The following KCNH7 variants were observed in gnomAD, a reference collection of about 807,000 sequenced individuals.
KCNH7 encodes potassium voltage-gated channel subfamily H member 7, also known as voltage-gated inwardly rectifying potassium channel KCNH7.
A neutral mutation model predicts 120.8 loss-of-function variants in KCNH7; 49 were observed. The observed-to-expected ratio is 0.41, with a 90% CI of 0.32 to 0.51. The LOEUF (loss-of-function observed/expected upper bound fraction) is 0.51. Ranked by LOEUF, KCNH7 falls within the 20% of genes least tolerant of loss-of-function variation. KCNH7 has a pLI of 0.38. For synonymous variants in KCNH7, 547 were observed against 516.1 expected (o/e 1.06, Z -0.81); for missense variants, 1,097 against 1,446.6 (o/e 0.76, Z 3.92).
At chr2:162,513,467 CTCCT>C (rs66776235) in intron 4 of KCNH7, among the ~76,000 whole-genome samples, 14,037 of 104,546 alleles carry the variant, frequency 0.13, 1,423 homozygotes, top group African/African-American at 0.16. Context: ...CCTTCCCTCC[CTCCT>C]TCCTTCCTTC....
chr2:162,744,865 G>A (rs1472796399), intron 2 of KCNH7, among the ~76,000 whole-genome samples: 1 of 152,084 alleles, frequency 6.6e-6, no homozygotes, highest in Non-Finnish European at 1.5e-5. Context: ...GAGCCACCGC[G>A]CCCGGCCGAC....
chr2:162,605,986 T>C (rs952709032), intron 2 of KCNH7, among the ~76,000 whole-genome samples: 1 of 152,134 alleles, frequency 6.6e-6, no homozygotes, highest in East Asian at 1.9e-4. Context: ...ACTTTTTGTA[T>C]TTTTATGTTA....
intron 6 of KCNH7, among the ~76,000 whole-genome samples, chr2:162,504,046 A>G (rs977300276): frequency 1.3e-5 from 2 of 152,026 alleles, no homozygotes; most frequent in Non-Finnish European, 2.9e-5. Context: ...TAAGTCCAAA[A>G]GGATACCACA....
At chr2:162,490,998 T>A (rs1690283480) in intron 6 of KCNH7, among the ~76,000 whole-genome samples, 1 of 152,180 alleles carries the variant, frequency 6.6e-6, no homozygotes, top group South Asian at 2.1e-4. Context: ...TACATGGCTG[T>A]GTCTGCCACA....
intron 9 of KCNH7, among the ~76,000 whole-genome samples, chr2:162,408,404 C>T (rs1687293448): frequency 1.3e-5 from 2 of 151,912 alleles, no homozygotes; most frequent in South Asian, 4.1e-4. Context: ...AAGTTATCTT[C>T]CTCTACCTAA....
chr2:162,743,360 G>A (rs922605577), intron 2 of KCNH7, among the ~76,000 whole-genome samples: 1 of 151,952 alleles, frequency 6.6e-6, no homozygotes, highest in Non-Finnish European at 1.5e-5. Context: ...GTAAAAAAAG[G>A]GAGGAAAGAA....
intron 6 of KCNH7, chr2:162,497,010 G>A (rs1041626422): frequency 3.3e-5 from 5 of 152,102 alleles, no homozygotes; most frequent in Non-Finnish European, 7.4e-5. Context: ...GTCCTGGTTA[G>A]TACTTGGATG....
chr2:162,789,086 A>G (rs1021219882), intron 2 of KCNH7, among the ~76,000 whole-genome samples: 84 of 152,004 alleles, frequency 5.5e-4, no homozygotes, highest in African/African-American at 2.0e-3. Flanking sequence ...TTCCCAAACA[A>G]AGACTGAGGG....
At chr2:162,568,777 A>G (rs1693352603) in intron 2 of KCNH7, among the ~76,000 whole-genome samples, 2 of 152,024 alleles carry the variant, frequency 1.3e-5, no homozygotes, top group Admixed American at 1.3e-4. Flanking sequence ...TAAGCTTTAT[A>G]TAGTAACTTC....
intron 9 of KCNH7, among the ~76,000 whole-genome samples, chr2:162,415,754 G>A (rs930693980): frequency 6.6e-6 from 1 of 151,892 alleles, no homozygotes; most frequent in African/African-American, 2.4e-5. Flanking sequence ...GAAAGGAAAG[G>A]GAATAAAGCA....
intron 2 of KCNH7, among the ~76,000 whole-genome samples, chr2:162,550,882 G>T (rs998255581): frequency 1.5e-5 from 2 of 132,338 alleles, no homozygotes; most frequent in Admixed American, 8.2e-5. Context: ...ACAAAACTAG[G>T]CTAGATAATA....
At chr2:162,591,216 C>A (rs371390531) in intron 2 of KCNH7, among the ~76,000 whole-genome samples, 12 of 151,696 alleles carry the variant, frequency 7.9e-5, no homozygotes, top group African/African-American at 2.9e-4. Flanking sequence ...TTATCTATAC[C>A]ACATTTCTTT....
At chr2:162,546,126 C>T (rs1048288241) in intron 2 of KCNH7, among the ~76,000 whole-genome samples, 3 of 152,150 alleles carry the variant, frequency 2.0e-5, no homozygotes, top group African/African-American at 7.2e-5. Flanking sequence ...TCCTATGGTG[C>T]TTACCCACTT....
At chr2:162,408,177 G>C (rs1182824279) in intron 9 of KCNH7, among the ~76,000 whole-genome samples, 1 of 152,004 alleles carries the variant, frequency 6.6e-6, no homozygotes, top group South Asian at 2.1e-4. Context: ...AGAATAGTTA[G>C]ACATAAAATG....
chr2:162,686,882 T>G (rs2105321758), intron 2 of KCNH7, among the ~76,000 whole-genome samples: 1 of 152,228 alleles, frequency 6.6e-6, no homozygotes, highest in Admixed American at 6.6e-5. Context: ...TGAACAATTT[T>G]CTGTTCGTCT....
At chr2:162,419,594 T>C (rs975476490) in intron 9 of KCNH7, among the ~76,000 whole-genome samples, 5 of 152,112 alleles carry the variant, frequency 3.3e-5, no homozygotes, top group Non-Finnish European at 5.9e-5. Flanking sequence ...TTGGGCATTA[T>C]TTGGTGGGGG....
chr2:162,421,080 C>T (rs921691850), intron 9 of KCNH7, among the ~76,000 whole-genome samples: 1 of 152,052 alleles, frequency 6.6e-6, no homozygotes, highest in African/African-American at 2.4e-5. Context: ...TGCTTACTCA[C>T]TTTGCAGTCA....
intron 2 of KCNH7, among the ~76,000 whole-genome samples, chr2:162,637,944 T>A (rs1684019130): frequency 6.6e-6 from 1 of 152,066 alleles, no homozygotes. Flanking sequence ...TTCAAAGGGG[T>A]TACCATGATT....
At chr2:162,789,202 C>A (rs940899542) in intron 2 of KCNH7, among the ~76,000 whole-genome samples, 1 of 151,900 alleles carries the variant, frequency 6.6e-6, no homozygotes, top group African/African-American at 2.4e-5. Flanking sequence ...TAAATAAGAA[C>A]ATAATCAAAT....
Sources: gnomAD v4.1 joint callset for allele counts (sites outside exome capture counted in the v4.1 genomes callset) on GRCh38, gnomAD v4.1.1 for gene constraint, MANE v1.5 for transcripts, NCBI Gene and HGNC (gene_info 2026-07-23, HGNC 2026-07-21) for gene names.